The following FRMD3 variants were observed in gnomAD, a reference collection of about 807,000 sequenced individuals.
The protein encoded by FRMD3 is FERM domain containing 3.
FRMD3 carries 33 observed loss-of-function variants against 70.2 expected under a neutral mutation model. That is an observed-to-expected ratio of 0.47 (90% CI 0.36 to 0.63). The LOEUF (loss-of-function observed/expected upper bound fraction) is 0.63, where lower values mean the gene tolerates loss of function less well. Among genes scored for constraint, FRMD3 ranks in the 20% least tolerant of loss-of-function variants. The pLI is 0.00. For synonymous variants in FRMD3, 279 were observed against 255.9 expected (o/e 1.09, Z -0.86); for missense variants, 632 against 711.4 (o/e 0.89, Z 1.27).
chr9:83,489,722 G>A (rs936356577), intron 1 of FRMD3, among the ~76,000 whole-genome samples: 3 of 152,232 alleles, frequency 2.0e-5, no homozygotes, highest in Admixed American at 6.5e-5. Context: ...AACTTAAAAC[G>A]TTTAAGATTA....
chr9:83,292,632 C>A (rs1182196535), intron 12 of FRMD3, among the ~76,000 whole-genome samples: 1 of 151,934 alleles, frequency 6.6e-6, no homozygotes. Context: ...TCATAACTAC[C>A]CCCAACTTTG....
intron 1 of FRMD3, among the ~76,000 whole-genome samples, chr9:83,534,402 A>G (rs981671196): frequency 6.6e-6 from 1 of 152,196 alleles, no homozygotes; most frequent in African/African-American, 2.4e-5. Context: ...TACCAAAATT[A>G]TATGATTTGG....
chr9:83,378,234 A>G (rs1313786085), intron 2 of FRMD3, among the ~76,000 whole-genome samples: 1 of 150,596 alleles, frequency 6.6e-6, no homozygotes, highest in African/African-American at 2.4e-5. Context: ...GGCAGTTTCC[A>G]TGAGTCTAAC....
chr9:83,357,224 TTTTATATATATATAATACATAC>T (rs1564032259), intron 3 of FRMD3, among the ~76,000 whole-genome samples: 8,158 of 25,896 alleles, frequency 0.32, 1,352 homozygotes, highest in East Asian at 0.46. Context: ...AATATATATA[TTTTATATATATATAATACATAC>T]ATATATATAT....
chr9:83,511,553 T>G (rs1008769392), intron 1 of FRMD3, among the ~76,000 whole-genome samples: 3 of 152,206 alleles, frequency 2.0e-5, no homozygotes, highest in Non-Finnish European at 2.9e-5. Flanking sequence ...AGGTGCCATT[T>G]GGAGAGCCAG....
At chr9:83,339,841 GT>G (rs1823697810) in intron 5 of FRMD3, among the ~76,000 whole-genome samples, 1 of 152,150 alleles carries the variant, frequency 6.6e-6, no homozygotes. Flanking sequence ...AATGAATGAG[GT>G]AGTGATACCA....
intron 1 of FRMD3, among the ~76,000 whole-genome samples, chr9:83,515,918 C>A (rs887131657): frequency 6.6e-6 from 1 of 152,260 alleles, no homozygotes; most frequent in Admixed American, 6.5e-5. Flanking sequence ...CAAGCAAATG[C>A]TGAAGGATTT....
chr9:83,384,132 T>C lies in FRMD3; in HGVS notation c.252+5472A>G, dbSNP rs541873075. Among the ~76,000 whole-genome samples, 7 of 152,326 alleles carry C rather than the reference T, an allele frequency of 4.6e-5. No homozygotes were observed. In the East Asian group the frequency reaches 1.2e-3, roughly 25 times the overall value. ...CAAGTTACTTGTACCTGTCTGCCCCTGACACACACACACAGACACCCAAGA... is the reference window on the plus strand; with the variant it reads ...CAAGTTACTTGTACCTGTCTGCCCCCGACACACACACACAGACACCCAAGA... On this transcript the variant is annotated intron_variant, in intron 2 of 13. Transcript: ENST00000304195.
At chr9:83,520,345 T>C (rs1315113470) in intron 1 of FRMD3, among the ~76,000 whole-genome samples, 2 of 152,206 alleles carry the variant, frequency 1.3e-5, no homozygotes, top group South Asian at 2.1e-4. Flanking sequence ...AAATTTCTTA[T>C]AGTTTTGAAA....
chr9:83,486,717 C>CTGG (rs1358549212), intron 1 of FRMD3, among the ~76,000 whole-genome samples: 3 of 152,136 alleles, frequency 2.0e-5, no homozygotes, highest in Non-Finnish European at 2.9e-5. Flanking sequence ...AACTATGGGC[C>CTGG]TGGTTCCACT....
the FRMD3 span, among the ~76,000 whole-genome samples, chr9:83,581,582 A>G: frequency 1.2e-3 from 180 of 152,322 alleles, no homozygotes; most frequent in East Asian, 0.029. Context: ...CAGACTTACC[A>G]TATGATTCAA....
At chr9:83,373,825 A>G (rs3849865) in intron 2 of FRMD3, among the ~76,000 whole-genome samples, 107,200 of 152,052 alleles carry the variant, frequency 0.71, 38,054 homozygotes, top group Admixed American at 0.73. Context: ...GAGGCATCCC[A>G]CCTGCTTGAT....
At chr9:83,248,657 A>C in intron 13 of FRMD3, 141 bp from the exon 14 acceptor site, 1 of 929,404 alleles carries the variant, frequency 1.1e-6, no homozygotes, top group Middle Eastern at 3.5e-4. Flanking sequence ...GTTGTAACAA[A>C]GTCGTATTAT....
At chr9:83,390,254 C>T (rs138939744) in intron 1 of FRMD3, among the ~76,000 whole-genome samples, 1 of 152,354 alleles carries the variant, frequency 6.6e-6, no homozygotes, top group Non-Finnish European at 1.5e-5. Context: ...GCCAGGCCAA[C>T]TGGCTGCAGT....
At chr9:83,449,649 T>C (rs764344061) in intron 1 of FRMD3, among the ~76,000 whole-genome samples, 35 of 152,224 alleles carry the variant, frequency 2.3e-4, no homozygotes, top group Non-Finnish European at 4.1e-4. Context: ...GTCTGTGGCA[T>C]TGCACAGTTT....
intron 1 of FRMD3, among the ~76,000 whole-genome samples, chr9:83,525,320 C>T (rs1829662660): frequency 6.6e-6 from 1 of 152,170 alleles, no homozygotes; most frequent in African/African-American, 2.4e-5. Flanking sequence ...TCAGATAAAA[C>T]TCTATTGTAC....
chr9:83,386,324 T>C (rs772354806), intron 2 of FRMD3, among the ~76,000 whole-genome samples: 18 of 152,218 alleles, frequency 1.2e-4, no homozygotes, highest in Non-Finnish European at 7.3e-5. Context: ...AGCTGTATAA[T>C]GCAGAGAGAA....
chr9:83,446,584 T>C (rs1165859434), intron 1 of FRMD3, among the ~76,000 whole-genome samples: 2 of 148,288 alleles, frequency 1.3e-5, no homozygotes, highest in East Asian at 4.0e-4. Flanking sequence ...GAGGCAGAGC[T>C]TGCAGTGAGC....
At chr9:83,250,882 G>A (rs1433932514) in intron 13 of FRMD3, among the ~76,000 whole-genome samples, 1 of 152,202 alleles carries the variant, frequency 6.6e-6, no homozygotes, top group Non-Finnish European at 1.5e-5. Context: ...AGCTCCCAGG[G>A]GAAGGGGCAG....
Sources: gnomAD v4.1 joint callset for allele counts (sites outside exome capture counted in the v4.1 genomes callset) on GRCh38, gnomAD v4.1.1 for gene constraint, MANE v1.5 for transcripts, NCBI Gene and HGNC (gene_info 2026-07-23, HGNC 2026-07-21) for gene names.